Variants in PDZD2 observed in about 807,000 individuals in gnomAD.
PDZD2 encodes PDZ domain containing 2, also known as PDZ domain-containing protein 2.
Under a neutral mutation model 220.7 loss-of-function variants are expected in PDZD2, and 90 were observed. The observed-to-expected ratio is 0.41, with a 90% CI of 0.34 to 0.49. The LOEUF is 0.49. Among genes scored for constraint, PDZD2 ranks in the 20% least tolerant of loss-of-function variants. PDZD2 has a pLI of 0.28. For synonymous variants in PDZD2, 1,375 were observed against 1,450.5 expected (o/e 0.95, Z 1.18); for missense variants, 3,174 against 3,608.5 (o/e 0.88, Z 3.08).
intron 1 of PDZD2, among the ~76,000 whole-genome samples, chr5:31,678,525 TG>T (rs1746531917): frequency 6.6e-6 from 1 of 151,560 alleles, no homozygotes; most frequent in South Asian, 2.1e-4. Context: ...TCAGTTCTGG[TG>T]GGGGACGTCT....
intron 7 of PDZD2, among the ~76,000 whole-genome samples, chr5:32,038,227 T>C (rs2112228129): frequency 6.8e-6 from 1 of 147,544 alleles, no homozygotes; most frequent in Admixed American, 6.8e-5. Flanking sequence ...TATGGCTGTG[T>C]TGGTATAAAG....
In PDZD2 at chr5:32,101,227, A is replaced by G; in HGVS notation, c.8341A>G (p.Arg2781Gly). The stretch of plus-strand genomic sequence containing the variant: ...GGGAGATGGGCCCTTGGTCATTAAA[A>G]GAGTGTACAAAGGTAATGTTCTAGA... ...VTGDGPLVIK[R>G]VYKGGAAEQA... is the part of the protein sequence containing the mutation. Residue 2781 changes from arginine to glycine, a missense_variant, in exon 24 of 25, where the codon AGA becomes GGA. Around this residue, in one of 4 missense-constraint regions of PDZD2, gnomAD observed 631 missense variants for 789.9 expected, o/e 0.80. Transcript: ENST00000438447. The G allele has an allele frequency of 1.9e-6, 3 of 1,613,010 alleles. No individual in the cohort carries two copies. Among genetic ancestry groups the G allele is most frequent in the Non-Finnish European group, 2.5e-6 (3 of 1,179,390 alleles).
chr5:31,929,948 T>A (rs1397104336), intron 2 of PDZD2, among the ~76,000 whole-genome samples: 1 of 152,136 alleles, frequency 6.6e-6, no homozygotes, highest in Non-Finnish European at 1.5e-5. Flanking sequence ...CCTTTGGTGA[T>A]AAGTGAGTTC....
chr5:31,920,054 A>G (rs1330630887), intron 2 of PDZD2, among the ~76,000 whole-genome samples: 4 of 152,032 alleles, frequency 2.6e-5, no homozygotes, highest in African/African-American at 9.6e-5. Context: ...TTGGGAGGCT[A>G]AAGTGGCCTT....
At chr5:31,887,828 G>C (rs182929373) in intron 2 of PDZD2, among the ~76,000 whole-genome samples, 165 of 150,550 alleles carry the variant, frequency 1.1e-3, no homozygotes, top group Non-Finnish European at 2.1e-3. Flanking sequence ...GCGGGGGAGG[G>C]GGGGAACAGC....
intron 2 of PDZD2, among the ~76,000 whole-genome samples, chr5:31,825,304 G>A (rs571028257): frequency 2.9e-4 from 44 of 152,286 alleles, no homozygotes; most frequent in Admixed American, 3.9e-4. Context: ...TCAAGAGGAA[G>A]CTGGTTTCTT....
chr5:32,007,303 ACACC>A (rs1752907937), intron 5 of PDZD2, among the ~76,000 whole-genome samples: 1 of 151,408 alleles, frequency 6.6e-6, no homozygotes, highest in South Asian at 2.1e-4. Context: ...ATGAGCCACT[ACACC>A]CAGCCCCAGC....
chr5:31,946,978 AC>A (rs1746693267), intron 2 of PDZD2, among the ~76,000 whole-genome samples: 1 of 152,218 alleles, frequency 6.6e-6, no homozygotes, highest in African/African-American at 2.4e-5. Flanking sequence ...TGTTGGGATT[AC>A]AAGCATGGGC....
intron 2 of PDZD2, among the ~76,000 whole-genome samples, chr5:31,911,583 C>T (rs1743212239): frequency 6.6e-6 from 1 of 152,212 alleles, no homozygotes; most frequent in Non-Finnish European, 1.5e-5. Context: ...GGACTTCTGG[C>T]TGCAAACAAC....
At chr5:31,979,079 T>A (rs1272305531) in intron 2 of PDZD2, among the ~76,000 whole-genome samples, 1 of 152,208 alleles carries the variant, frequency 6.6e-6, no homozygotes, top group East Asian at 1.9e-4. Context: ...TAAGTTCTTA[T>A]ACTCTGAATC....
intron 5 of PDZD2, among the ~76,000 whole-genome samples, chr5:32,005,525 C>CA (rs397728983): frequency 0.18 from 24,078 of 131,398 alleles, 2,776 homozygotes; most frequent in African/African-American, 0.34. Flanking sequence ...GTAGACAACC[C>CA]AAAAAAAAAA....
intron 2 of PDZD2, among the ~76,000 whole-genome samples, chr5:31,860,417 T>G (rs894474963): frequency 6.6e-6 from 1 of 152,216 alleles, no homozygotes; most frequent in Admixed American, 6.5e-5. Context: ...ACCACTAGTT[T>G]GTCTACATTC....
intron 2 of PDZD2, among the ~76,000 whole-genome samples, chr5:31,910,584 G>A (rs781424404): frequency 6.6e-5 from 10 of 151,652 alleles, no homozygotes; most frequent in Non-Finnish European, 1.3e-4. Flanking sequence ...GTAGAGATGG[G>A]GTTTCACCAT....
intron 1 of PDZD2, among the ~76,000 whole-genome samples, chr5:31,651,895 G>A (rs1440447380): frequency 4.2e-5 from 1 of 23,658 alleles, no homozygotes; most frequent in Non-Finnish European, 1.1e-4. Flanking sequence ...TTGGCTCACT[G>A]GAACTTCCAC....
chr5:31,969,063 T>C (rs566932101), intron 2 of PDZD2, among the ~76,000 whole-genome samples: 60 of 152,202 alleles, frequency 3.9e-4, no homozygotes, highest in African/African-American at 1.3e-3. Context: ...AGGGGATTCA[T>C]GGCCTAAACT....
intron 1 of PDZD2, among the ~76,000 whole-genome samples, chr5:31,714,874 C>T (rs1020790280): frequency 6.6e-5 from 10 of 151,860 alleles, no homozygotes; most frequent in South Asian, 2.1e-4. Context: ...CTGGTTAACA[C>T]GGTGAAACCC....
intron 6 of PDZD2, among the ~76,000 whole-genome samples, chr5:32,016,155 G>A (rs1323517074): frequency 3.3e-5 from 5 of 152,204 alleles, no homozygotes; most frequent in Non-Finnish European, 7.3e-5. Flanking sequence ...AACTGCCAGG[G>A]GTATGGGAGC....
At chr5:31,777,154 G>A (rs1169538212) in intron 1 of PDZD2, among the ~76,000 whole-genome samples, 7 of 152,170 alleles carry the variant, frequency 4.6e-5, no homozygotes, top group African/African-American at 4.8e-5. Context: ...GCGGGGCAGC[G>A]TGAGTTCCGG....
Position 32,098,605 on chromosome 5 carries a change from G to C in PDZD2, c.8189G>C (p.Arg2730Thr). 6.2e-7 allele frequency: 1 copy of C among 1,614,084 alleles called. No individual in the cohort carries two copies. Among genetic ancestry groups the C allele is most frequent in the Non-Finnish European group, 8.5e-7 (1 of 1,180,004 alleles). Residue 2730 changes from arginine (R) to threonine (T), a missense_variant, in exon 23 of 25, where the codon AGA becomes ACA. Physicochemically the swap from Arg to Thr is moderately conservative, Grantham distance 71 (BLOSUM62 -1). Coordinates refer to ENST00000438447, the MANE Select transcript of PDZD2 (RefSeq NM_178140.4). The surrounding 1 kb of genome is among the most constrained non-coding windows in gnomAD (Gnocchi z 4.1). ...GCCAATGGGAAGGGTTTGCTGTCCA[G>C]AAAGACCATCCCCCTGGAGCCTGGC... ...PTANGKGLLSRKTIPLEPGIG... is the reference protein window; with the variant it reads ...PTANGKGLLSTKTIPLEPGIG...
Sources: gnomAD v4.1 joint callset for allele counts (sites outside exome capture counted in the v4.1 genomes callset) on GRCh38, gnomAD v4.1.1 for gene constraint, gnomAD v4.1.1 regional missense constraint, Gnocchi (gnomAD v3.1) non-coding constraint, MANE v1.5 for transcripts, NCBI Gene and HGNC (gene_info 2026-07-23, HGNC 2026-07-21) for gene names.